Variants in ACYP2 observed in about 807,000 individuals in gnomAD.
The protein encoded by ACYP2 is acylphosphatase 2.
Under a neutral mutation model 11.2 loss-of-function variants are expected in ACYP2, and 12 were observed. The ratio of observed to expected loss-of-function variants is 1.08; its 90% CI spans 0.69 to 1.74. The LOEUF (loss-of-function observed/expected upper bound fraction) is 1.74, where lower values mean the gene tolerates loss of function less well. ACYP2 is among the 40% of genes most tolerant of loss of function. The probability of loss-of-function intolerance (pLI) is 0.00; values close to 1 mark genes in which losing one functional copy is unlikely to be tolerated. For synonymous variants in ACYP2, 43 were observed against 32.2 expected (o/e 1.33, Z -1.13); for missense variants, 134 against 101.9 (o/e 1.31, Z -1.35).
rs1673403013 is a variant in ACYP2 at position 54,012,049 on chromosome 2, A to G, written c.62+38239A>G. On this transcript the variant is annotated intron_variant, in intron 2 of 6. Transcript: ENST00000607452. ...TCAGGAGTTTGAGACCAGCTTGGCC[A>G]ACATGGTGAAACCGCATCTCTACTA... 1.3e-5 allele frequency among the ~76,000 whole-genome samples: 2 copies of G among 152,248 alleles called. 1 individual carries two copies. Among genetic ancestry groups the G allele is most frequent in the South Asian group, 4.1e-4 (2 of 4,824 alleles).
At chr2:54,237,135 A>G (rs1486488377) in intron 6 of ACYP2, among the ~76,000 whole-genome samples, 1 of 152,210 alleles carries the variant, frequency 6.6e-6, no homozygotes, top group Admixed American at 6.5e-5. Context: ...CATTATATGC[A>G]AATACTATTC....
chr2:54,298,918 C>CT (rs1207000262), intron 6 of ACYP2, among the ~76,000 whole-genome samples: 1 of 152,170 alleles, frequency 6.6e-6, no homozygotes, highest in East Asian at 1.9e-4. Context: ...TGCCCAGCTA[C>CT]TTTTTTTATT....
At chr2:54,246,903 A>G (rs1686980166) in intron 6 of ACYP2, among the ~76,000 whole-genome samples, 1 of 152,136 alleles carries the variant, frequency 6.6e-6, no homozygotes. Flanking sequence ...ATATTTCTAA[A>G]TCATAGTAAA....
At chr2:54,070,338 T>C (rs146763653) in intron 4 of ACYP2, among the ~76,000 whole-genome samples, 2 of 151,924 alleles carry the variant, frequency 1.3e-5, no homozygotes, top group East Asian at 3.9e-4. Flanking sequence ...TGTCCAGTCA[T>C]AATTGACAAA....
At chr2:54,089,142 C>T (rs2103677986) in intron 4 of ACYP2, among the ~76,000 whole-genome samples, 1 of 152,332 alleles carries the variant, frequency 6.6e-6, no homozygotes, top group Non-Finnish European at 1.5e-5. Flanking sequence ...TAGCTCCTTA[C>T]AGCAAAGGAC....
At position 54,007,138 on chromosome 2, in the gene ACYP2, C is replaced by CAA. The variant is rs70944145; in HGVS notation, c.62+33353_62+33354dup. ...TGGGCAACAGAGAGAGACTCTGTGT[C>CAA]AAAAAAAAAAAAAAAAAAAAAAAAA... On this transcript the variant is annotated intron_variant, in intron 2 of 6. Transcript: ENST00000607452. Among the ~76,000 whole-genome samples the CAA allele has an allele frequency of 6.4e-3, 336 of 52,134 alleles. 12 individuals are homozygous for CAA. Among genetic ancestry groups the CAA allele is most frequent in the African/African-American group, 0.013 (178 of 13,726 alleles). The allele number at this position is 52,134 out of a possible 152,430, so 34.2% of individuals were successfully genotyped here. A position where few individuals can be genotyped will look rare whatever the true frequency, so the allele number is the denominator to read the frequency against.
chr2:54,003,420 C>A (rs562501553), intron 2 of ACYP2, among the ~76,000 whole-genome samples: 2 of 152,042 alleles, frequency 1.3e-5, no homozygotes, highest in African/African-American at 4.8e-5. Context: ...CCACCACATC[C>A]GGCTAATTTT....
intron 6 of ACYP2, among the ~76,000 whole-genome samples, chr2:54,227,494 C>G (rs1047271817): frequency 6.6e-6 from 1 of 151,926 alleles, no homozygotes; most frequent in Non-Finnish European, 1.5e-5. Flanking sequence ...AAAAAATTAT[C>G]CGGTTCATGG....
At chr2:54,219,791 ATGTGTG>A (rs146554219) in intron 6 of ACYP2, among the ~76,000 whole-genome samples, 39 of 128,118 alleles carry the variant, frequency 3.0e-4, no homozygotes, top group East Asian at 1.3e-3. Context: ...GCTAATTTTT[ATGTGTG>A]TGTGTGTGTG....
intron 4 of ACYP2, chr2:54,079,858 A>G (rs548023799): frequency 6.6e-6 from 1 of 152,310 alleles, no homozygotes; most frequent in East Asian, 1.9e-4. Flanking sequence ...AAGGTGTCAA[A>G]TATCCTAAAT....
chr2:54,099,721 C>T (rs577923851), intron 4 of ACYP2, among the ~76,000 whole-genome samples: 3 of 151,964 alleles, frequency 2.0e-5, no homozygotes, highest in African/African-American at 7.3e-5. Context: ...TTTTTTAGCT[C>T]CATATCTTGA....
At chr2:54,170,810 C>T (rs946736473) in intron 6 of ACYP2, among the ~76,000 whole-genome samples, 1 of 152,130 alleles carries the variant, frequency 6.6e-6, no homozygotes, top group Admixed American at 6.6e-5. Flanking sequence ...CCTGGAACTC[C>T]TGTAATGAAG....
intron 6 of ACYP2, among the ~76,000 whole-genome samples, chr2:54,184,026 C>A (rs1171593593): frequency 6.6e-6 from 1 of 152,094 alleles, no homozygotes; most frequent in South Asian, 2.1e-4. Flanking sequence ...CTCAACACTT[C>A]CAGAAAGATA....
intron 2 of ACYP2, among the ~76,000 whole-genome samples, chr2:53,979,230 C>T (rs1019092917): frequency 6.6e-6 from 1 of 152,016 alleles, no homozygotes; most frequent in Non-Finnish European, 1.5e-5. Context: ...GATCCTGACC[C>T]TGTGTAGGCC....
chr2:54,168,258 C>T (rs867249923), intron 6 of ACYP2, among the ~76,000 whole-genome samples: 1 of 151,800 alleles, frequency 6.6e-6, no homozygotes, highest in Non-Finnish European at 1.5e-5. Context: ...AACCACGTCT[C>T]TACTAAAAAA....
chr2:54,082,472 C>T (rs1017626983), intron 4 of ACYP2: 7 of 152,170 alleles, frequency 4.6e-5, no homozygotes, highest in African/African-American at 1.7e-4. Flanking sequence ...TCTGGAACTC[C>T]TGGCCTCAGG....
intron 4 of ACYP2, among the ~76,000 whole-genome samples, chr2:54,111,882 A>G (rs1679479623): frequency 6.6e-6 from 1 of 152,208 alleles, no homozygotes; most frequent in Non-Finnish European, 1.5e-5. Flanking sequence ...TCTAGCAATC[A>G]CTTTCAAATG....
chr2:54,069,779 TGCTAGTTG>T (rs1411061337), intron 4 of ACYP2, among the ~76,000 whole-genome samples: 1 of 152,246 alleles, frequency 6.6e-6, no homozygotes, highest in Non-Finnish European at 1.5e-5. Context: ...CTGATGAATA[TGCTAGTTG>T]GCCACTAAGT....
intron 4 of ACYP2, among the ~76,000 whole-genome samples, chr2:54,112,378 G>C (rs985923859): frequency 6.6e-6 from 1 of 152,174 alleles, no homozygotes; most frequent in African/African-American, 2.4e-5. Flanking sequence ...TGTATAAAAA[G>C]CCAAATAATC....
Sources: gnomAD v4.1 joint callset for allele counts (sites outside exome capture counted in the v4.1 genomes callset) on GRCh38, gnomAD v4.1.1 for gene constraint, MANE v1.5 for transcripts, NCBI Gene and HGNC (gene_info 2026-07-23, HGNC 2026-07-21) for gene names.